RGL1: variants seen among roughly 807,000 people sequenced by gnomAD.
RGL1 encodes ral guanine nucleotide dissociation stimulator-like 1.
Under a neutral mutation model 95.2 loss-of-function variants are expected in RGL1, and 24 were observed. That is an observed-to-expected ratio of 0.25 (90% CI 0.18 to 0.35). The LOEUF is 0.35. Among genes scored for constraint, RGL1 ranks in the 10% least tolerant of loss-of-function variants. RGL1 has a pLI of 1.00. For missense variants in RGL1, 715 were observed against 936.3 expected (o/e 0.76, Z 3.08); for synonymous variants, 329 against 344.9 (o/e 0.95, Z 0.51).
chr1:183,815,406 G>A (rs1158681136), intron 2 of RGL1, among the ~76,000 whole-genome samples: 1 of 152,172 alleles, frequency 6.6e-6, no homozygotes, highest in South Asian at 2.1e-4. Flanking sequence ...GCCACTTTCT[G>A]TCCAAAGGCT....
At chr1:183,771,861 G>T (rs1558197821) in intron 2 of RGL1, among the ~76,000 whole-genome samples, 1 of 152,232 alleles carries the variant, frequency 6.6e-6, no homozygotes, top group Admixed American at 6.5e-5. Context: ...GGCAGAGACA[G>T]AAGTGGCTGG....
chr1:183,805,227 C>A lies in RGL1; in HGVS notation c.-71C>A. 1 of 1,592,750 alleles carries A rather than the reference C, an allele frequency of 6.3e-7. No individual in the cohort carries two copies. The highest frequency in any genetic ancestry group is 8.5e-7 in the Non-Finnish European group (1 of 1,170,334). On this transcript the variant is annotated 5_prime_UTR_variant, in exon 1 of 18. Transcript: ENST00000360851. ...GGGCGAGGCGCCGCGGGGCTGAGCC[C>A]AGCAGACATTGCGTTGGCCTCCGAG...
chr1:183,847,448 A>G, intron 2 of RGL1, 118 bp from the exon 3 acceptor site: 3 of 881,398 alleles, frequency 3.4e-6, no homozygotes, highest in South Asian at 1.6e-5. Context: ...AAAGGGATAA[A>G]TAAATAAATA....
chr1:183,679,965 A>G (rs1039911209), intron 1 of RGL1, among the ~76,000 whole-genome samples: 2 of 152,210 alleles, frequency 1.3e-5, no homozygotes, highest in African/African-American at 2.4e-5. Flanking sequence ...TCTAATGACC[A>G]GTGATGATGA....
chr1:183,738,536 ACT>A (rs1181681150), intron 1 of RGL1, among the ~76,000 whole-genome samples: 3 of 152,204 alleles, frequency 2.0e-5, no homozygotes, highest in African/African-American at 4.8e-5. Context: ...CAAAAAAATG[ACT>A]CTGTCACATA....
chr1:183,797,397 G>A (rs1409454937), intron 2 of RGL1, among the ~76,000 whole-genome samples: 1 of 152,180 alleles, frequency 6.6e-6, no homozygotes, highest in African/African-American at 2.4e-5. Context: ...GGCCGGAGGA[G>A]CTCTCTGCCT....
chr1:183,772,693 A>C (rs905112351), intron 2 of RGL1, among the ~76,000 whole-genome samples: 1 of 152,054 alleles, frequency 6.6e-6, no homozygotes, highest in Non-Finnish European at 1.5e-5. Context: ...CTGTGTAGGA[A>C]ACAGTTAACA....
At position 183,751,314 on chromosome 1, in the gene RGL1, C is replaced by T. The variant is rs921327966; in HGVS notation, c.132+9025C>T. 2.0e-5 allele frequency among the ~76,000 whole-genome samples: 3 copies of T among 152,186 alleles called. No individual in the cohort carries two copies. In the South Asian group the frequency reaches 6.2e-4, roughly 32 times the overall value. On this transcript the variant is annotated intron_variant, in intron 2 of 18. Coordinates refer to the RGL1 transcript ENST00000304685. ...TGGCTACAGCAGCTTTCCTGAGTTG[C>T]GGTGGTTTCCACCCAGTCCGAACTT...
intron 1 of RGL1, among the ~76,000 whole-genome samples, chr1:183,720,847 T>G (rs1000029863): frequency 6.6e-6 from 1 of 152,144 alleles, no homozygotes; most frequent in African/African-American, 2.4e-5. Flanking sequence ...TATGTTTTGA[T>G]GAAAGAAAAG....
chr1:183,654,164 TC>T (rs1193038412), intron 1 of RGL1, among the ~76,000 whole-genome samples: 1 of 152,142 alleles, frequency 6.6e-6, no homozygotes, highest in Non-Finnish European at 1.5e-5. Flanking sequence ...ACAGCACACA[TC>T]CTTTCTCATC....
intron 2 of RGL1, among the ~76,000 whole-genome samples, chr1:183,808,062 T>C (rs1318360333): frequency 1.3e-5 from 2 of 152,228 alleles, no homozygotes; most frequent in Non-Finnish European, 2.9e-5. Context: ...CTAATGAGAC[T>C]GACTTTGCTT....
intron 2 of RGL1, among the ~76,000 whole-genome samples, chr1:183,761,729 G>A (rs1048212289): frequency 6.6e-6 from 1 of 152,060 alleles, no homozygotes; most frequent in African/African-American, 2.4e-5. Flanking sequence ...AGTCCAAAAC[G>A]GCATCTTCTT....
At chr1:183,706,075 T>G (rs1654894358) in intron 1 of RGL1, among the ~76,000 whole-genome samples, 1 of 151,238 alleles carries the variant, frequency 6.6e-6, no homozygotes, top group African/African-American at 2.4e-5. Flanking sequence ...GTTGGAGGAG[T>G]AGAAGAAAGT....
At chr1:183,832,652 TG>T (rs1663339878) in intron 2 of RGL1, among the ~76,000 whole-genome samples, 1 of 152,208 alleles carries the variant, frequency 6.6e-6, no homozygotes, top group Non-Finnish European at 1.5e-5. Flanking sequence ...AGTCTGACTG[TG>T]GGTCCAGACT....
chr1:183,892,007 C>T, intron 8 of RGL1, 70 bp from the exon 9 acceptor site: 1 of 1,206,388 alleles, frequency 8.3e-7, no homozygotes, highest in Non-Finnish European at 1.2e-6. Context: ...GTCCTGAGGA[C>T]AGCTGGGCCA....
At chr1:183,675,255 C>A (rs940664757) in intron 1 of RGL1, among the ~76,000 whole-genome samples, 2 of 151,876 alleles carry the variant, frequency 1.3e-5, no homozygotes, top group African/African-American at 4.8e-5. Context: ...AAGGCAAAAA[C>A]CCTTTTATTT....
At chr1:183,749,667 A>T (rs575470481) in intron 2 of RGL1, among the ~76,000 whole-genome samples, 11 of 152,206 alleles carry the variant, frequency 7.2e-5, no homozygotes, top group African/African-American at 2.4e-4. Flanking sequence ...GTTGGTCTTT[A>T]TATTTTGGTA....
intron 2 of RGL1, among the ~76,000 whole-genome samples, chr1:183,799,839 A>T (rs1660892781): frequency 6.6e-6 from 1 of 152,218 alleles, no homozygotes; most frequent in Admixed American, 6.5e-5. Context: ...AAGTATAAAG[A>T]ATACTCAGGT....
At chr1:183,694,372 A>C (rs1226796932) in intron 1 of RGL1, among the ~76,000 whole-genome samples, 2 of 152,214 alleles carry the variant, frequency 1.3e-5, no homozygotes, top group Non-Finnish European at 2.9e-5. Context: ...ATGAAAGATT[A>C]GTTTGAAGTT....
Sources: gnomAD v4.1 joint callset for allele counts (sites outside exome capture counted in the v4.1 genomes callset) on GRCh38, gnomAD v4.1.1 for gene constraint, MANE v1.5 for transcripts, NCBI Gene and HGNC (gene_info 2026-07-23, HGNC 2026-07-21) for gene names.